TPCN2: variants seen among roughly 807,000 people sequenced by gnomAD.
TPCN2 encodes two pore segment channel 2, also known as two pore channel protein 2.
Under a neutral mutation model 111.4 loss-of-function variants are expected in TPCN2, and 92 were observed. That is an observed-to-expected ratio of 0.83 (90% CI 0.70 to 0.98). The LOEUF (loss-of-function observed/expected upper bound fraction) is 0.98. Among genes scored for constraint, TPCN2 ranks in the 50% least tolerant of loss-of-function variants. The pLI is 0.00. For synonymous variants in TPCN2, 405 were observed against 414.5 expected, an observed-to-expected ratio of 0.98 and a Z score of 0.28; for missense variants, 995 against 980.1, an observed-to-expected ratio of 1.02 and a Z score of -0.20.
intron 2 of TPCN2, 35 bp from the exon 3 acceptor site, chr11:69,054,686 C>T: frequency 6.2e-7 from 1 of 1,600,650 alleles, no homozygotes; most frequent in Non-Finnish European, 8.6e-7. Context: ...CCTGCATGCA[C>T]CCATGTCATG....
Position 69,085,741 on chromosome 11 carries a change from G to C in TPCN2, c.1909G>C (p.Asp637His), listed in dbSNP as rs768225289. 1.9e-6 allele frequency: 3 copies of C among 1,613,972 alleles called. No individual in the cohort carries two copies. Among genetic ancestry groups the C allele is most frequent in the Admixed American group, 1.7e-5 (1 of 60,004 alleles). Residue 637 changes from aspartate (D) to histidine (H), a missense_variant, in exon 21 of 25, where the codon GAT becomes CAT. Coordinates refer to ENST00000294309, the MANE Select transcript of TPCN2 (RefSeq NM_139075.4). ...EQLEYWANNF[D>H]DFAAALVTLW... Reference sequence around the variant, plus strand: ...GCTGGAGTACTGGGCCAACAACTTCGATGACTTTGCGGTGAGCCCTGCGCC... The same window carrying C: ...GCTGGAGTACTGGGCCAACAACTTCCATGACTTTGCGGTGAGCCCTGCGCC...
chr11:69,058,014 C>G (rs978372986), intron 5 of TPCN2, among the ~76,000 whole-genome samples: 4 of 152,226 alleles, frequency 2.6e-5, no homozygotes, highest in Non-Finnish European at 5.9e-5. Context: ...GGCCGTCCAG[C>G]CCCGGATGAG....
At chr11:69,072,127 C>T (rs562511729) in intron 11 of TPCN2, 104 bp downstream of exon 11, 110 of 961,534 alleles carry the variant, frequency 1.1e-4, no homozygotes, top group Non-Finnish European at 1.6e-4. Context: ...GCCTGTGCCT[C>T]GCCCCTGCTG....
rs575709910 is a variant in TPCN2, at chr11:69,055,574, C to T, written c.429+222C>T. 2.0e-4 allele frequency among the ~76,000 whole-genome samples: 31 copies of T among 151,740 alleles called. 1 individual carries two copies. The highest frequency in any genetic ancestry group is 7.0e-4 in the African/African-American group (29 of 41,202). ...ACCATGCAAACTGAGGCCAGTGTGC[C>T]GTCAGCTCTCCTCCCTCTCCACCAT... is the stretch of plus-strand genomic sequence containing the variant. On this transcript the variant is annotated intron_variant, in intron 4 of 24. Transcript: ENST00000294309.
chr11:69,078,803 G>A lies in TPCN2; in HGVS notation c.1410+10G>A, dbSNP rs1855894180. On this transcript the variant is annotated intron_variant, in intron 15 of 24. Transcript: ENST00000294309. Reference sequence around the variant, plus strand: ...TGACTTCATCCTGGGGGTAAGTTCTGAGCTGTCCACCTGTCAGGGCCAGGG... The same window carrying A: ...TGACTTCATCCTGGGGGTAAGTTCTAAGCTGTCCACCTGTCAGGGCCAGGG... The A allele has an allele frequency of 1.2e-6, 2 of 1,613,980 alleles. No individual in the cohort carries two copies. The highest frequency in any genetic ancestry group is 1.1e-5 in the South Asian group (1 of 91,096).
At chr11:69,059,588 A>C (rs1565081857) in intron 5 of TPCN2, among the ~76,000 whole-genome samples, 1 of 152,192 alleles carries the variant, frequency 6.6e-6, no homozygotes, top group Non-Finnish European at 1.5e-5. Flanking sequence ...AGTCTTCCTA[A>C]GGCTCTGGGA....
At chr11:69,062,646 G>A (rs1159818735) in intron 5 of TPCN2, among the ~76,000 whole-genome samples, 12 of 152,224 alleles carry the variant, frequency 7.9e-5, no homozygotes, top group Admixed American at 6.5e-4. Flanking sequence ...TGTGTGCAGC[G>A]CCCAGGAGTT....
rs1158001549 is a variant in TPCN2 at position 69,070,073 on chromosome 11, G to GGAGT, written c.830-355_830-352dup. ...GGTGCCATGCTCTGTCACCCAGACTGGAGTGCAGTGGTGCAGTCTCGGTTC... is the reference window on the plus strand; with the variant it reads ...GGTGCCATGCTCTGTCACCCAGACTGGAGTGAGTGCAGTGGTGCAGTCTCGGTTC... On this transcript the variant is annotated intron_variant, in intron 8 of 24. Coordinates refer to ENST00000294309, the MANE Select transcript of TPCN2 (RefSeq NM_139075.4). Among the ~76,000 whole-genome samples, 4 of 150,198 alleles carry GGAGT rather than the reference G, an allele frequency of 2.7e-5. No homozygotes were observed. In the Admixed American group the frequency reaches 2.7e-4, roughly 10 times the overall value.
Position 69,088,039 on chromosome 11 carries a change from T to A in TPCN2, c.*86T>A. The A allele has an allele frequency of 8.1e-7, 1 of 1,232,598 alleles. No homozygotes were observed. Among genetic ancestry groups the A allele is most frequent in the Non-Finnish European group, 1.1e-6 (1 of 884,252 alleles). The allele number at this position is 1,232,598 out of a possible 1,614,324, so 76.4% of individuals were successfully genotyped here. On this transcript the variant is annotated 3_prime_UTR_variant, in exon 25 of 25. Transcript: ENST00000294309. ...CGTCATGGAAGAGGCGGCCATGCTG[T>A]GGCCAGCCAGGCAGGAAGAGACCTT...
chr11:69,061,712 T>G (rs919254084), intron 5 of TPCN2, among the ~76,000 whole-genome samples: 2 of 151,480 alleles, frequency 1.3e-5, no homozygotes, highest in Non-Finnish European at 1.5e-5. Context: ...TGGGCTGGGA[T>G]AGGAGCAGGG....
chr11:69,087,718 T>A (rs1295193366), intron 24 of TPCN2, among the ~76,000 whole-genome samples, 157 bp from the exon 25 acceptor site: 1 of 151,796 alleles, frequency 6.6e-6, no homozygotes, highest in Non-Finnish European at 1.5e-5. Flanking sequence ...TTCTAGTGGC[T>A]ACATCCATCC....
intron 7 of TPCN2, among the ~76,000 whole-genome samples, chr11:69,064,568 G>T (rs143982752): frequency 1.1e-3 from 167 of 152,274 alleles, no homozygotes; most frequent in Non-Finnish European, 2.0e-3. Flanking sequence ...CCCCAACCCC[G>T]CTCCAGTGCT....
chr11:69,054,040 G>A lies in TPCN2; in HGVS notation c.117G>A (p.Ala39=), dbSNP rs757325606. The A allele has an allele frequency of 3.1e-6, 5 of 1,613,764 alleles. No homozygotes were observed. In the South Asian group the frequency reaches 3.3e-5, roughly 11 times the overall value. ...YRSIQVGPGA[A]ARWDLCIDQA... ...TGTCCCCTCTGCCTGCAGGTGCCGC[G>A]GCCAGGTGGGACCTCTGCATTGATC... Residue 39 remains alanine, a synonymous_variant, in exon 2 of 25, where the codon GCG becomes GCA. Transcript: ENST00000294309.
At position 69,069,719 on chromosome 11, in the gene TPCN2, C is replaced by T. The variant is rs12795675; in HGVS notation, c.830-711C>T. ...GAAGTGACCGCACTGGGAGCAGGACCGTCTGAGTCCTAGGAAGTGACCGCA... is the reference window on the plus strand; with the variant it reads ...GAAGTGACCGCACTGGGAGCAGGACTGTCTGAGTCCTAGGAAGTGACCGCA... On this transcript the variant is annotated intron_variant, in intron 8 of 24. Transcript: ENST00000294309. 5.9e-5 allele frequency among the ~76,000 whole-genome samples: 6 copies of T among 100,936 alleles called. 1 individual carries two copies. Among genetic ancestry groups the T allele is most frequent in the Admixed American group, 1.8e-4 (2 of 10,834 alleles). 66.2% of individuals were successfully genotyped at this position (100,936 alleles called of 152,430 possible).
At chr11:69,070,312 C>CGTG in intron 8 of TPCN2, 118 bp from the exon 9 acceptor site, 2 of 788,662 alleles carry the variant, frequency 2.5e-6, no homozygotes, top group Non-Finnish European at 4.3e-6. Context: ...AGGCGTGAGC[C>CGTG]ACCACGCTCA....
chr11:69,064,593 C>G (rs1855180586), intron 7 of TPCN2, among the ~76,000 whole-genome samples: 2 of 152,242 alleles, frequency 1.3e-5, no homozygotes, highest in Admixed American at 1.3e-4. Flanking sequence ...GTTTGTCCTC[C>G]TGTCCTGGCC....
rs1476726681 is a variant in TPCN2 at position 69,071,927 on chromosome 11, C to T, written c.965C>T (p.Ser322Phe). Residue 322 changes from serine (S) to phenylalanine (F), a missense_variant, in exon 11 of 25, where the codon TCT (serine) becomes TTT (phenylalanine). Coordinates refer to ENST00000294309, the MANE Select transcript of TPCN2 (RefSeq NM_139075.4). ...YSQFRGYLMK[S>F]LQTSLFRRRL... ...TCATAGCCTTCCTCTTTGCAGAAAT[C>T]TCTCCAGACCTCGCTGTTTCGGAGG... 1 of 1,613,678 alleles carries T rather than the reference C, an allele frequency of 6.2e-7. No individual in the cohort carries two copies. The highest frequency in any genetic ancestry group is 8.5e-7 in the Non-Finnish European group (1 of 1,179,908).
At chr11:69,055,889 A>G (rs1238250518) in intron 4 of TPCN2, among the ~76,000 whole-genome samples, 1 of 152,142 alleles carries the variant, frequency 6.6e-6, no homozygotes, top group Non-Finnish European at 1.5e-5. Context: ...TGCCACCCCA[A>G]AGAGAAGAGG....
rs367684305 is a variant in TPCN2, at chr11:69,068,095, C to A, written c.829+490C>A. Among the ~76,000 whole-genome samples the A allele has an allele frequency of 7.9e-5, 12 of 152,366 alleles. 1 individual carries two copies. In the South Asian group the frequency reaches 2.3e-3, roughly 29 times the overall value. On this transcript the variant is annotated intron_variant, in intron 8 of 24. Coordinates refer to ENST00000294309, the MANE Select transcript of TPCN2 (RefSeq NM_139075.4). ...CAAGGGTCTTACTGGCCACGACGCT[C>A]ACCCTGTGTGATGCTCATGGGGCCT...
Sources: allele counts gnomAD v4.1 joint callset (sites outside exome capture counted in the v4.1 genomes callset), GRCh38; gene constraint gnomAD v4.1.1; transcripts MANE v1.5; gene names NCBI Gene and HGNC (gene_info 2026-07-23, HGNC 2026-07-21).